Variants in PM20D2 observed in about 807,000 individuals in gnomAD.
PM20D2 encodes the protein xaa-Arg dipeptidase.
PM20D2 carries 33 observed loss-of-function variants against 42.9 expected under a neutral mutation model. The ratio of observed to expected loss-of-function variants is 0.77; its 90% confidence interval spans 0.58 to 1.03. The LOEUF is 1.03. Ranked by LOEUF, PM20D2 falls within the 50% of genes least tolerant of loss-of-function variation. The pLI is 0.00. For missense variants in PM20D2, 548 were observed against 557.0 expected, an observed-to-expected ratio of 0.98 and a Z score of 0.16; for synonymous variants, 250 against 228.2, an observed-to-expected ratio of 1.10 and a Z score of -0.86.
chr6:89,146,061 G>A lies in PM20D2; in HGVS notation c.-84G>A, dbSNP rs771475636. 8.3e-6 allele frequency: 10 copies of A among 1,206,290 alleles called. No homozygotes were observed. The highest frequency in any genetic ancestry group is 1.1e-5 in the Non-Finnish European group (10 of 931,244). 74.7% of individuals were successfully genotyped at this position (1,206,290 alleles called of 1,614,324 possible). The stretch of plus-strand genomic sequence containing the variant: ...TGCGCGCTCCGCCGGGGTCCTGGAG[G>A]CCTCTGGGCGCGTGCGCGGGCGGTC... On this transcript the variant is annotated 5_prime_UTR_variant, in exon 1 of 7. Transcript: ENST00000275072.
upstream of PM20D2, among the ~76,000 whole-genome samples, chr6:89,145,061 A>G (rs1770475965): frequency 6.6e-6 from 1 of 152,224 alleles, no homozygotes; most frequent in Non-Finnish European, 1.5e-5. Flanking sequence ...TGTCCCATTT[A>G]ACATAGTTGA....
At chr6:89,151,855 A>G (rs1252855869) in intron 2 of PM20D2, among the ~76,000 whole-genome samples, 1 of 152,126 alleles carries the variant, frequency 6.6e-6, no homozygotes, top group African/African-American at 2.4e-5. Context: ...AGGGACGTCA[A>G]GGCAGGAGAG....
chr6:89,098,002 A>G, the PM20D2 span: 1 of 152,318 alleles, frequency 6.6e-6, no homozygotes. Context: ...CCCAATAAAA[A>G]TATAACCTTT....
the PM20D2 span, chr6:89,118,045 A>G: frequency 1.3e-5 from 7 of 522,892 alleles, no homozygotes; most frequent in Admixed American, 2.7e-4. Context: ...AGGCCGGCGC[A>G]GAGGGGGCGC....
At chr6:89,147,577 C>T (rs1336966036) in intron 1 of PM20D2, among the ~76,000 whole-genome samples, 1 of 151,946 alleles carries the variant, frequency 6.6e-6, no homozygotes, top group Non-Finnish European at 1.5e-5. Context: ...GCTTCAACCA[C>T]GTTTTTAAAG....
upstream of PM20D2, chr6:89,146,008 G>A: frequency 1.4e-6 from 1 of 698,138 alleles, no homozygotes; most frequent in Non-Finnish European, 2.0e-6. Context: ...GGGACTGGGG[G>A]TGGTGCCCTG....
In PM20D2 at chr6:89,153,200, T is replaced by G. The variant is rs376408381; in HGVS notation, c.757+15T>G. 2.6e-5 allele frequency: 41 copies of G among 1,567,212 alleles called. No homozygotes were observed. The highest frequency in any genetic ancestry group is 3.5e-5 in the Non-Finnish European group (40 of 1,157,632). On this transcript the variant is annotated intron_variant, in intron 3 of 6. Coordinates refer to ENST00000275072, the MANE Select transcript of PM20D2 (RefSeq NM_001010853.3). ...GAGAGTTCATGGTATGAATGTCAAA[T>G]ACCTTCTATAATAGATGGTGCTTGC...
rs1273148980 is a variant in PM20D2, at chr6:89,146,363, C to T, written c.219C>T (p.Ala73=). Residue 73 remains alanine (A), a synonymous_variant, in exon 1 of 7, where the codon GCC becomes GCT. Transcript: ENST00000275072. ...THFFEREPPA[A]SWAVQPHYQL... ...TCTTCGAGCGGGAGCCGCCCGCGGCCTCCTGGGCAGTGCAGCCGCACTACC... is the reference window on the plus strand; with the variant it reads ...TCTTCGAGCGGGAGCCGCCCGCGGCTTCCTGGGCAGTGCAGCCGCACTACC... 2 of 1,547,162 alleles carry T rather than the reference C, an allele frequency of 1.3e-6. No individual in the cohort carries two copies. The highest frequency in any genetic ancestry group is 1.2e-5 in the South Asian group (1 of 84,840).
chr6:89,129,306 G>A, the PM20D2 span, among the ~76,000 whole-genome samples: 2 of 152,118 alleles, frequency 1.3e-5, no homozygotes, highest in Admixed American at 6.5e-5. Flanking sequence ...AAAAGGGGTG[G>A]ACCAACATGC....
At chr6:89,132,195 G>A in the PM20D2 span, among the ~76,000 whole-genome samples, 21 of 152,176 alleles carry the variant, frequency 1.4e-4, no homozygotes, top group South Asian at 4.2e-3. Flanking sequence ...AAGTTACAGG[G>A]ATGATGCTGT....
At chr6:89,142,630 T>C (rs562314235), upstream of PM20D2, among the ~76,000 whole-genome samples, 4 of 152,282 alleles carry the variant, frequency 2.6e-5, no homozygotes, top group African/African-American at 9.6e-5. Context: ...ATTTTTGCAC[T>C]TTTTATTCCT....
the PM20D2 span, chr6:89,097,488 T>C: frequency 6.7e-6 from 1 of 149,824 alleles, no homozygotes; most frequent in Non-Finnish European, 1.5e-5. Context: ...CAAAGTTGTT[T>C]TTTGAAGATG....
At chr6:89,123,239 A>ACTCC in the PM20D2 span, among the ~76,000 whole-genome samples, 1 of 152,148 alleles carries the variant, frequency 6.6e-6, no homozygotes, top group South Asian at 2.1e-4. Flanking sequence ...GGGGATGAAA[A>ACTCC]TAGAAGTTAT....
the PM20D2 span, among the ~76,000 whole-genome samples, chr6:89,128,858 C>G: frequency 1.3e-5 from 2 of 152,132 alleles, no homozygotes; most frequent in South Asian, 2.1e-4. Context: ...CAATAAGTCC[C>G]ATGAGCCACT....
At chr6:89,100,179 G>A in the PM20D2 span, among the ~76,000 whole-genome samples, 1 of 152,186 alleles carries the variant, frequency 6.6e-6, no homozygotes, top group Non-Finnish European at 1.5e-5. Flanking sequence ...GTGTATGGAA[G>A]AGATTCCAAG....
the PM20D2 span, among the ~76,000 whole-genome samples, chr6:89,124,733 G>GTTTTTTTTTTT: frequency 3.5e-4 from 28 of 79,598 alleles, 5 homozygotes; most frequent in East Asian, 6.7e-4. Context: ...TGTTGCTGTT[G>GTTTTTTTTTTT]TTGTTTTTTT....
chr6:89,105,043 G>A, the PM20D2 span: 1 of 1,361,528 alleles, frequency 7.3e-7, no homozygotes, highest in South Asian at 1.5e-5. Context: ...GGGAAACAAT[G>A]AGACCCTATC....
At chr6:89,119,602 G>T in the PM20D2 span, among the ~76,000 whole-genome samples, 1 of 152,180 alleles carries the variant, frequency 6.6e-6, no homozygotes, top group Non-Finnish European at 1.5e-5. Context: ...TTGGTGGCCC[G>T]AAACAACAGA....
chr6:89,116,676 G>A, the PM20D2 span, among the ~76,000 whole-genome samples: 17 of 151,980 alleles, frequency 1.1e-4, no homozygotes, highest in South Asian at 3.3e-3. Context: ...TTTGGATGCT[G>A]AGGCAGGAGA....
Sources: gnomAD v4.1 joint callset for allele counts (sites outside exome capture counted in the v4.1 genomes callset) on GRCh38, gnomAD v4.1.1 for gene constraint, MANE v1.5 for transcripts, NCBI Gene and HGNC (gene_info 2026-07-23, HGNC 2026-07-21) for gene names.